Variants in ENTREP2 observed in about 807,000 individuals in gnomAD.
ENTREP2 encodes the protein endosomal transmembrane epsin interactor 2.
chr15:29,257,452 T>A, the ENTREP2 span, among the ~76,000 whole-genome samples: 4 of 152,230 alleles, frequency 2.6e-5, no homozygotes, highest in Non-Finnish European at 5.9e-5. Context: ...TTATAAGTAG[T>A]GTTGCAACGA....
the ENTREP2 span, among the ~76,000 whole-genome samples, chr15:29,631,077 C>T: frequency 1.3e-5 from 2 of 152,236 alleles, no homozygotes; most frequent in Non-Finnish European, 2.9e-5. Context: ...CTGTTTCTTT[C>T]AGTTCCTGTA....
the ENTREP2 span, among the ~76,000 whole-genome samples, chr15:29,357,164 A>G: frequency 6.6e-6 from 1 of 152,250 alleles, no homozygotes; most frequent in East Asian, 1.9e-4. Flanking sequence ...GTCTCACAGC[A>G]TATACAAAAT....
the ENTREP2 span, among the ~76,000 whole-genome samples, chr15:29,652,960 C>T: frequency 3.9e-5 from 6 of 152,098 alleles, no homozygotes; most frequent in African/African-American, 1.4e-4. Flanking sequence ...AGGTTTCTGG[C>T]CAGAAAAATA....
At chr15:29,461,312 A>G in the ENTREP2 span, among the ~76,000 whole-genome samples, 1 of 152,184 alleles carries the variant, frequency 6.6e-6, no homozygotes, top group East Asian at 1.9e-4. Context: ...AACAATGCTT[A>G]TATCAGTATC....
chr15:29,137,858 A>G, the ENTREP2 span, among the ~76,000 whole-genome samples: 2 of 151,952 alleles, frequency 1.3e-5, no homozygotes, highest in African/African-American at 4.8e-5. Context: ...AAAAACAAAC[A>G]AACAAAGACG....
the ENTREP2 span, among the ~76,000 whole-genome samples, chr15:29,441,223 T>C: frequency 4.6e-5 from 7 of 152,148 alleles, 1 homozygote; most frequent in East Asian, 3.9e-4. Context: ...AGGACAAATA[T>C]GTGTGACTCC....
the ENTREP2 span, among the ~76,000 whole-genome samples, chr15:29,615,861 C>G: frequency 6.6e-6 from 1 of 152,168 alleles, no homozygotes; most frequent in Non-Finnish European, 1.5e-5. Context: ...CTTCCCTACC[C>G]GGCAGGGATG....
At chr15:29,632,190 C>G in the ENTREP2 span, among the ~76,000 whole-genome samples, 1 of 152,208 alleles carries the variant, frequency 6.6e-6, no homozygotes, top group African/African-American at 2.4e-5. Flanking sequence ...TCGCCACCAC[C>G]TCAGTCCTCA....
At chr15:29,674,216 A>G in the ENTREP2 span, among the ~76,000 whole-genome samples, 1 of 149,912 alleles carries the variant, frequency 6.7e-6, no homozygotes, top group Non-Finnish European at 1.5e-5. Flanking sequence ...CCCCAGCCAG[A>G]AGCAGCAAAC....
chr15:29,216,615 T>G, the ENTREP2 span, among the ~76,000 whole-genome samples: 4 of 152,226 alleles, frequency 2.6e-5, no homozygotes, highest in East Asian at 7.7e-4. Flanking sequence ...TTCTTAGGGT[T>G]GGTCATTTTG....
At chr15:29,581,178 C>T in the ENTREP2 span, among the ~76,000 whole-genome samples, 3 of 152,146 alleles carry the variant, frequency 2.0e-5, no homozygotes, top group Non-Finnish European at 4.4e-5. Context: ...GGGATCTAAA[C>T]AAAAACAACT....
the ENTREP2 span, among the ~76,000 whole-genome samples, chr15:29,447,668 T>C: frequency 1.3e-5 from 2 of 151,364 alleles, no homozygotes; most frequent in African/African-American, 2.4e-5. Flanking sequence ...TTTTTTTTTT[T>C]CGTAGAGATG....
At chr15:29,356,065 C>T in the ENTREP2 span, among the ~76,000 whole-genome samples, 1 of 151,596 alleles carries the variant, frequency 6.6e-6, no homozygotes, top group African/African-American at 2.4e-5. Context: ...TGGTGGTCAC[C>T]CAGGGACTTA....
At chr15:29,455,237 C>T in the ENTREP2 span, among the ~76,000 whole-genome samples, 7 of 152,076 alleles carry the variant, frequency 4.6e-5, no homozygotes, top group Admixed American at 2.0e-4. Context: ...CACCCCTGCC[C>T]GCCCCAGCTT....
chr15:29,388,969 TG>T, the ENTREP2 span, among the ~76,000 whole-genome samples: 1 of 34,496 alleles, frequency 2.9e-5, no homozygotes. Flanking sequence ...TGTTGTGGGG[TG>T]GGGGGAGGGG....
the ENTREP2 span, among the ~76,000 whole-genome samples, chr15:29,530,059 G>A: frequency 2.2e-4 from 34 of 152,228 alleles, no homozygotes; most frequent in South Asian, 8.3e-4. Flanking sequence ...AGGGCCCCTC[G>A]TGCTTATAAG....
At chr15:29,621,440 G>A in the ENTREP2 span, among the ~76,000 whole-genome samples, 21 of 146,710 alleles carry the variant, frequency 1.4e-4, 1 homozygote, top group African/African-American at 4.8e-4. Context: ...GGAGAATGGC[G>A]TGAACCCAGG....
chr15:29,190,603 G>A, the ENTREP2 span, among the ~76,000 whole-genome samples: 2 of 152,180 alleles, frequency 1.3e-5, no homozygotes, highest in African/African-American at 2.4e-5. Flanking sequence ...GAGGAAGGAG[G>A]GGAGGGTGCC....
At chr15:29,600,898 C>CTTTTTTTTTTTTTT in the ENTREP2 span, among the ~76,000 whole-genome samples, 142 of 125,340 alleles carry the variant, frequency 1.1e-3, 24 homozygotes, top group East Asian at 2.7e-3. Flanking sequence ...TATGATTTTT[C>CTTTTTTTTTTTTTT]TTTCTTTTTT....
Sources: gnomAD v4.1 joint callset for allele counts (sites outside exome capture counted in the v4.1 genomes callset) on GRCh38, gnomAD v4.1.1 for gene constraint, MANE v1.5 for transcripts, NCBI Gene and HGNC (gene_info 2026-07-23, HGNC 2026-07-21) for gene names.